Variants in CELF2 observed in about 807,000 individuals in gnomAD.
The protein encoded by CELF2 is CUGBP Elav-like family member 2.
A neutral mutation model predicts 62.6 loss-of-function variants in CELF2; 8 were observed. The observed-to-expected ratio is 0.13, with a 90% CI of 0.07 to 0.23. The LOEUF (loss-of-function observed/expected upper bound fraction) is 0.23. CELF2 is among the 10% of genes least tolerant of loss of function. The probability of loss-of-function intolerance (pLI) is 1.00; values close to 1 mark genes in which losing one functional copy is unlikely to be tolerated. For missense variants in CELF2, 333 were observed against 671.0 expected (o/e 0.50, Z 5.56); for synonymous variants, 258 against 250.0 (o/e 1.03, Z -0.30).
chr10:10,848,622 G>C (rs2059164770), intron 1 of CELF2, among the ~76,000 whole-genome samples: 1 of 152,182 alleles, frequency 6.6e-6, no homozygotes. Flanking sequence ...GTTTTGTGGA[G>C]TTCTGCTGAT....
the CELF2 span, among the ~76,000 whole-genome samples, chr10:10,674,416 TA>T: frequency 1.3e-5 from 2 of 152,238 alleles, no homozygotes; most frequent in Admixed American, 6.5e-5. Context: ...TCTTCATGTT[TA>T]AAGTGAGATT....
chr10:11,144,370 C>T (rs2061870792), intron 1 of CELF2, among the ~76,000 whole-genome samples: 1 of 152,084 alleles, frequency 6.6e-6, no homozygotes, highest in Non-Finnish European at 1.5e-5. Flanking sequence ...TAAGGAATGT[C>T]ATCTGCTGGG....
chr10:11,074,853 G>A (rs1456240964), intron 1 of CELF2: 1 of 152,152 alleles, frequency 6.6e-6, no homozygotes, highest in Non-Finnish European at 1.5e-5. Flanking sequence ...CCCAGCCATA[G>A]GAATTATGTG....
At chr10:11,312,807 G>A (rs1020310431) in intron 9 of CELF2, among the ~76,000 whole-genome samples, 1 of 152,146 alleles carries the variant, frequency 6.6e-6, no homozygotes. Context: ...GGTGGCAGGC[G>A]CCTGTAGTGC....
the CELF2 span, among the ~76,000 whole-genome samples, chr10:10,646,236 GAAAACCGTC>G: frequency 1.3e-5 from 2 of 152,140 alleles, no homozygotes; most frequent in South Asian, 2.1e-4. Context: ...AAGGAAGGTA[GAAAACCGTC>G]AAAACCAAAG....
At chr10:11,249,255 CA>C in intron 4 of CELF2, 54 bp downstream of exon 4, 1 of 1,468,930 alleles carries the variant, frequency 6.8e-7, no homozygotes. Context: ...CTTTAAATTA[CA>C]AAGTCAGTTG....
chr10:10,761,824 C>T, the CELF2 span, among the ~76,000 whole-genome samples: 2 of 151,974 alleles, frequency 1.3e-5, no homozygotes, highest in Non-Finnish European at 2.9e-5. Flanking sequence ...ACCATGGGCT[C>T]CTGGGTCTCC....
the CELF2 span, among the ~76,000 whole-genome samples, chr10:10,516,430 C>CATATTTTAAGAATA: frequency 6.6e-6 from 1 of 152,168 alleles, no homozygotes; most frequent in Non-Finnish European, 1.5e-5. Context: ...TAAATTGCTA[C>CATATTTTAAGAATA]TGTTTATTTT....
chr10:10,595,132 AT>A, the CELF2 span, among the ~76,000 whole-genome samples: 1 of 152,246 alleles, frequency 6.6e-6, no homozygotes, highest in African/African-American at 2.4e-5. Flanking sequence ...CAACTAGGTC[AT>A]TAATTCTTAA....
chr10:11,146,674 T>A (rs1262668913), intron 1 of CELF2, among the ~76,000 whole-genome samples: 1 of 152,208 alleles, frequency 6.6e-6, no homozygotes, highest in Non-Finnish European at 1.5e-5. Context: ...CTATATACCA[T>A]TGCTAAATAA....
At chr10:10,937,885 A>G (rs555600499) in intron 2 of CELF2, among the ~76,000 whole-genome samples, 7 of 152,134 alleles carry the variant, frequency 4.6e-5, no homozygotes, top group African/African-American at 1.7e-4. Context: ...AATTAACCAT[A>G]GTTTTGAAAT....
chr10:10,909,166 AG>A (rs1184441286), intron 1 of CELF2, among the ~76,000 whole-genome samples: 1 of 152,174 alleles, frequency 6.6e-6, no homozygotes, highest in Non-Finnish European at 1.5e-5. Context: ...GGTTGGAGGT[AG>A]GCCCAGGGAG....
At chr10:10,746,064 C>T in the CELF2 span, among the ~76,000 whole-genome samples, 21,689 of 152,150 alleles carry the variant, frequency 0.14, 1,966 homozygotes, top group East Asian at 0.28. Flanking sequence ...AATTAGATGG[C>T]CAGTCCAGGG....
intron 3 of CELF2, among the ~76,000 whole-genome samples, chr10:11,228,475 A>G (rs1238810872): frequency 6.6e-6 from 1 of 152,218 alleles, no homozygotes; most frequent in Non-Finnish European, 1.5e-5. Context: ...AGTATCTTTT[A>G]TGGGTAATAA....
chr10:10,496,041 C>G, the CELF2 span, among the ~76,000 whole-genome samples: 4 of 152,184 alleles, frequency 2.6e-5, no homozygotes, highest in African/African-American at 9.6e-5. Flanking sequence ...AATCACTTTA[C>G]AAGCATTGAT....
chr10:11,227,680 A>G lies in CELF2; in HGVS notation c.354+10173A>G, dbSNP rs1055240367. 1.3e-5 allele frequency among the ~76,000 whole-genome samples: 2 copies of G among 152,186 alleles called. No homozygotes were observed. The highest frequency in any genetic ancestry group is 1.3e-4 in the Admixed American group (2 of 15,282). ...TGGAAGCTCAGGCTACCTCTATCTT[A>G]GTTACAACAGTCAGAGCTCATGATG... On this transcript the variant is annotated intron_variant, in intron 3 of 12. Transcript: ENST00000633077. This position sits in a 1 kb window ranked among gnomAD's most constrained non-coding sequence, Gnocchi z 4.8.
intron 1 of CELF2, among the ~76,000 whole-genome samples, chr10:10,896,786 A>C (rs935101411): frequency 1.1e-4 from 17 of 152,140 alleles, no homozygotes; most frequent in Admixed American, 1.1e-3. Context: ...GTGCAGAATA[A>C]ATTTCTGTTG....
At chr10:10,761,204 G>T in the CELF2 span, among the ~76,000 whole-genome samples, 1 of 152,212 alleles carries the variant, frequency 6.6e-6, no homozygotes, top group Non-Finnish European at 1.5e-5. Context: ...TTGATTATTT[G>T]AGGGGAGGTA....
chr10:11,054,434 TATC>T (rs1306705294), intron 1 of CELF2, among the ~76,000 whole-genome samples: 2 of 152,302 alleles, frequency 1.3e-5, no homozygotes, highest in East Asian at 1.9e-4. Flanking sequence ...TTAAAAAATC[TATC>T]ATCAGTTTTC....
Sources: allele counts gnomAD v4.1 joint callset (sites outside exome capture counted in the v4.1 genomes callset), GRCh38; gene constraint gnomAD v4.1.1; non-coding constraint Gnocchi (gnomAD v3.1); transcripts MANE v1.5; gene names NCBI Gene and HGNC (gene_info 2026-07-23, HGNC 2026-07-21).